EMID1: variants seen among roughly 807,000 people sequenced by gnomAD.
EMID1 encodes EMI domain-containing protein 1.
Under a neutral mutation model 60.6 loss-of-function variants are expected in EMID1, and 40 were observed. The ratio of observed to expected loss-of-function variants is 0.66; its 90% CI spans 0.51 to 0.86. The LOEUF is 0.86. Among genes scored for constraint, EMID1 ranks in the 40% least tolerant of loss-of-function variants. EMID1 has a pLI of 0.00. For synonymous variants in EMID1, 242 were observed against 231.0 expected (o/e 1.05, Z -0.43); for missense variants, 585 against 597.1 (o/e 0.98, Z 0.21).
intron 1 of EMID1, among the ~76,000 whole-genome samples, chr22:29,213,056 T>C (rs2039952307): frequency 6.6e-6 from 1 of 152,236 alleles, no homozygotes; most frequent in African/African-American, 2.4e-5. Context: ...TCTCACTTTA[T>C]ATGCACATAT....
In EMID1 at chr22:29,256,167, T is replaced by G. The variant is rs571155646; in HGVS notation, c.1204+1880T>G. 4.6e-5 allele frequency among the ~76,000 whole-genome samples: 7 copies of G among 151,994 alleles called. No individual in the cohort carries two copies. The South Asian group carries it at 1.2e-3, about 27-fold the overall frequency. ...AGAGGCCTCCATATCATGTCCAACC[T>G]CGCATCTATTTTAAAGACTGAGAGG... On this transcript the variant is annotated intron_variant, in intron 14 of 14. Transcript: ENST00000334018.
chr22:29,214,784 G>T, intron 1 of EMID1, 142 bp from the exon 2 acceptor site: 1 of 526,538 alleles, frequency 1.9e-6, no homozygotes. Flanking sequence ...GGGCCCAAAT[G>T]ACTTTGCAAG....
At chr22:29,245,058 G>A (rs947634536) in intron 13 of EMID1, among the ~76,000 whole-genome samples, 12 of 148,246 alleles carry the variant, frequency 8.1e-5, no homozygotes, top group African/African-American at 3.0e-4. Context: ...GGATACAGCC[G>A]TGGGAGCCCC....
At chr22:29,239,300 T>A (rs80107283) in intron 12 of EMID1, among the ~76,000 whole-genome samples, 1,238 of 66,524 alleles carry the variant, frequency 0.019, 105 homozygotes, top group Non-Finnish European at 0.028. Context: ...TTAAAAAAAA[T>A]TTTTTTTTAA....
chr22:29,236,798 T>C (rs145398975), intron 12 of EMID1, among the ~76,000 whole-genome samples: 2,209 of 149,966 alleles, frequency 0.015, 59 homozygotes, highest in African/African-American at 0.051. Context: ...TTTTTTTTCT[T>C]TTTTTTTTTA....
chr22:29,217,132 C>T (rs938827185), intron 3 of EMID1, among the ~76,000 whole-genome samples: 21 of 152,208 alleles, frequency 1.4e-4, no homozygotes, highest in Admixed American at 7.2e-4. Flanking sequence ...AGAGCCTCCC[C>T]AGACAAAGGC....
At chr22:29,214,180 G>A (rs1046968646) in intron 1 of EMID1, among the ~76,000 whole-genome samples, 1 of 152,220 alleles carries the variant, frequency 6.6e-6, no homozygotes, top group South Asian at 2.1e-4. Context: ...GTGAGACAGG[G>A]CCTCTCCTCT....
chr22:29,218,299 T>C (rs373874853), intron 3 of EMID1, among the ~76,000 whole-genome samples: 2 of 152,364 alleles, frequency 1.3e-5, no homozygotes, highest in East Asian at 3.9e-4. Context: ...TGGTGGGCTC[T>C]AGTGAAGGAC....
At chr22:29,230,965 G>C in intron 5 of EMID1, 55 bp from the exon 6 acceptor site, 1 of 1,559,554 alleles carries the variant, frequency 6.4e-7, no homozygotes, top group Non-Finnish European at 8.7e-7. Flanking sequence ...AAAAAAAATA[G>C]GGAGGGGTCC....
rs145549467 is a variant in EMID1 at position 29,233,240 on chromosome 22, G to T, written c.824-139G>T. On this transcript the variant is annotated intron_variant, in intron 8 of 14. Coordinates refer to ENST00000334018, the MANE Select transcript of EMID1 (RefSeq NM_133455.4). ...AACACTCTCCACACTCCTCACCCTG[G>T]AGCAGGTGCCCAGGTGGTACCAGCC... is the stretch of plus-strand genomic sequence containing the variant. 4.3e-4 allele frequency: 353 copies of T among 825,068 alleles called. 1 individual carries two copies. The East Asian group carries it at 8.5e-3, about 20-fold the overall frequency. The allele number at this position is 825,068 out of a possible 1,614,324, so 51.1% of individuals were successfully genotyped here.
intron 3 of EMID1, 35 bp downstream of exon 3, chr22:29,215,665 A>T: frequency 6.4e-7 from 1 of 1,567,846 alleles, no homozygotes; most frequent in Non-Finnish European, 8.8e-7. Context: ...GAGCCCTGCG[A>T]CAGCAGGCCA....
intron 1 of EMID1, among the ~76,000 whole-genome samples, chr22:29,209,949 C>T (rs2146101428): frequency 6.6e-6 from 1 of 152,208 alleles, no homozygotes; most frequent in South Asian, 2.1e-4. Flanking sequence ...GAAAGAGCCT[C>T]CTGCTACCCC....
chr22:29,250,842 G>T (rs966136310), intron 13 of EMID1, among the ~76,000 whole-genome samples: 1 of 139,360 alleles, frequency 7.2e-6, no homozygotes, highest in South Asian at 2.3e-4. Flanking sequence ...TGATCCATCC[G>T]CTTAGGCCTC....
chr22:29,218,012 T>C (rs2040149136), intron 3 of EMID1, among the ~76,000 whole-genome samples: 1 of 152,218 alleles, frequency 6.6e-6, no homozygotes, highest in African/African-American at 2.4e-5. Flanking sequence ...AATCCAGCCC[T>C]AAATCAGCTG....
chr22:29,215,739 T>A, intron 3 of EMID1, 109 bp downstream of exon 3: 1 of 838,424 alleles, frequency 1.2e-6, no homozygotes, highest in Admixed American at 2.1e-5. Context: ...GTACCATGCC[T>A]GCTGGGGCCA....
chr22:29,238,719 ATTTTTT>A (rs71196644), intron 12 of EMID1, among the ~76,000 whole-genome samples: 3 of 117,562 alleles, frequency 2.6e-5, no homozygotes, highest in South Asian at 5.4e-4. Flanking sequence ...GTGCCCGGCC[ATTTTTT>A]TTTTTTTTTT....
In EMID1 at chr22:29,215,531, A is replaced by G; in HGVS notation, c.220A>G (p.Arg74Gly). The G allele has an allele frequency of 6.2e-7, 1 of 1,613,900 alleles. No homozygotes were observed. Residue 74 changes from arginine (R) to glycine (G), a missense_variant, in exon 3 of 15, where the codon AGA becomes GGA. By Grantham distance (125) the Arg-to-Gly change is moderately radical. Coordinates refer to ENST00000334018, the MANE Select transcript of EMID1 (RefSeq NM_133455.4). ...GCCACCTGGGGACTCTTTCAGCTAC[A>G]GAACTGTGGTGAGACCCACATACAA... is the stretch of plus-strand genomic sequence containing the variant. Reference protein sequence around the residue: ...WPMSCPGSSYRTVVRPTYKVM... With the variant: ...WPMSCPGSSYGTVVRPTYKVM...
intron 12 of EMID1, among the ~76,000 whole-genome samples, chr22:29,236,076 T>G (rs1956596883): frequency 6.6e-6 from 1 of 152,196 alleles, no homozygotes; most frequent in Non-Finnish European, 1.5e-5. Context: ...TTTTATTTGC[T>G]GCATTTAGGC....
intron 12 of EMID1, among the ~76,000 whole-genome samples, chr22:29,242,990 G>A (rs1405100931): frequency 6.6e-6 from 1 of 152,082 alleles, no homozygotes; most frequent in Non-Finnish European, 1.5e-5. Context: ...GTCAATCCAG[G>A]GACCATCCAA....
Sources: gnomAD v4.1 joint callset for allele counts (sites outside exome capture counted in the v4.1 genomes callset) on GRCh38, gnomAD v4.1.1 for gene constraint, MANE v1.5 for transcripts, NCBI Gene and HGNC (gene_info 2026-07-23, HGNC 2026-07-21) for gene names.